NPAS3: variants seen among roughly 807,000 people sequenced by gnomAD.
NPAS3 encodes neuronal PAS domain protein 3.
A neutral mutation model predicts 73.1 loss-of-function variants in NPAS3; 14 were observed. That is an observed-to-expected ratio of 0.19 (90% CI 0.13 to 0.30). NPAS3 has a LOEUF of 0.30. NPAS3 is among the 10% of genes least tolerant of loss of function. The pLI is 1.00. For synonymous variants in NPAS3, 620 were observed against 541.5 expected (o/e 1.14, Z -2.01); for missense variants, 1,096 against 1,250.0 (o/e 0.88, Z 1.86).
intron 2 of NPAS3, among the ~76,000 whole-genome samples, chr14:33,120,876 C>G (rs2043209074): frequency 6.6e-6 from 1 of 152,076 alleles, no homozygotes; most frequent in Non-Finnish European, 1.5e-5. Flanking sequence ...AGCAGGACGC[C>G]TTAGCACTAT....
chr14:33,383,942 T>C (rs2046665813), intron 4 of NPAS3, among the ~76,000 whole-genome samples: 1 of 152,176 alleles, frequency 6.6e-6, no homozygotes. Context: ...GAAATAATAA[T>C]ATACATGCCA....
At chr14:33,354,300 T>C (rs1440636948) in intron 3 of NPAS3, among the ~76,000 whole-genome samples, 5 of 152,180 alleles carry the variant, frequency 3.3e-5, no homozygotes, top group African/African-American at 1.2e-4. Flanking sequence ...CTCAACCGAC[T>C]GCAGTGCCCC....
chr14:33,419,398 T>A (rs1039616609), intron 4 of NPAS3, among the ~76,000 whole-genome samples: 2 of 151,904 alleles, frequency 1.3e-5, no homozygotes, highest in Non-Finnish European at 2.9e-5. Context: ...TGCTTTGACA[T>A]TGTAAAACCA....
At chr14:33,131,209 G>GCATA (rs2043623531) in intron 2 of NPAS3, among the ~76,000 whole-genome samples, 1 of 152,102 alleles carries the variant, frequency 6.6e-6, no homozygotes, top group South Asian at 2.1e-4. Context: ...CTCTTGTGTA[G>GCATA]TAAAATTTTA....
chr14:33,481,844 G>A (rs1447156159), intron 4 of NPAS3, among the ~76,000 whole-genome samples: 1 of 151,880 alleles, frequency 6.6e-6, no homozygotes, highest in African/African-American at 2.4e-5. Context: ...GGACAAGGCT[G>A]TTTGTTTGTT....
At chr14:33,384,745 T>A (rs1265460796) in intron 4 of NPAS3, among the ~76,000 whole-genome samples, 1 of 152,206 alleles carries the variant, frequency 6.6e-6, no homozygotes, top group Non-Finnish European at 1.5e-5. Context: ...ACCAAACAAA[T>A]TTTAAAATCC....
At chr14:33,665,495 G>A (rs576992393) in intron 5 of NPAS3, among the ~76,000 whole-genome samples, 40 of 152,132 alleles carry the variant, frequency 2.6e-4, no homozygotes, top group Non-Finnish European at 4.1e-4. Context: ...GACCTTTTCC[G>A]TAAAAGGTGA....
rs111820795 is a variant in NPAS3 at position 33,099,061 on chromosome 14, T to C, written c.140+43067T>C. On this transcript the variant is annotated intron_variant, in intron 2 of 11. Coordinates refer to ENST00000356141, the Ensembl canonical transcript of NPAS3. Reference sequence around the variant, plus strand: ...CCTTTTTCCAAGTCACACAAAGCCCTGGCAGGCAAGGTCAGGTCTAACTCA... The same window carrying C: ...CCTTTTTCCAAGTCACACAAAGCCCCGGCAGGCAAGGTCAGGTCTAACTCA... Among the ~76,000 whole-genome samples the C allele has an allele frequency of 9.2e-5, 14 of 152,294 alleles. 1 individual carries two copies. Among genetic ancestry groups the C allele is most frequent in the African/African-American group, 3.1e-4 (13 of 41,566 alleles).
intron 2 of NPAS3, among the ~76,000 whole-genome samples, chr14:33,137,286 G>A (rs892383613): frequency 6.6e-6 from 1 of 152,072 alleles, no homozygotes; most frequent in Admixed American, 6.5e-5. Context: ...CTCCATCAAG[G>A]CATCTGAGAT....
intron 3 of NPAS3, among the ~76,000 whole-genome samples, chr14:33,332,129 G>T (rs2044012990): frequency 6.6e-6 from 1 of 152,124 alleles, no homozygotes; most frequent in African/African-American, 2.4e-5. Flanking sequence ...GGTAATACAA[G>T]GTTCTGGGTA....
intron 2 of NPAS3, among the ~76,000 whole-genome samples, chr14:33,188,249 T>C (rs1293987230): frequency 6.6e-6 from 1 of 152,240 alleles, no homozygotes; most frequent in East Asian, 1.9e-4. Flanking sequence ...TCTCTTATTG[T>C]GTCATTCTTT....
At chr14:33,358,403 C>T (rs1336713515) in intron 3 of NPAS3, among the ~76,000 whole-genome samples, 2 of 152,272 alleles carry the variant, frequency 1.3e-5, no homozygotes, top group Middle Eastern at 3.4e-3. Flanking sequence ...GACAGTCCAT[C>T]GTTGTCGCGG....
At chr14:33,730,347 AG>A (rs2061369645) in intron 6 of NPAS3, among the ~76,000 whole-genome samples, 1 of 152,234 alleles carries the variant, frequency 6.6e-6, no homozygotes. Context: ...AATGACTCAA[AG>A]AATAAATAAT....
intron 6 of NPAS3, among the ~76,000 whole-genome samples, chr14:33,691,485 C>G (rs187533208): frequency 6.6e-6 from 1 of 152,132 alleles, no homozygotes; most frequent in Non-Finnish European, 1.5e-5. Flanking sequence ...AATCTGTCAA[C>G]GAATCTGGCT....
At chr14:33,563,907 A>G (rs972845158) in intron 5 of NPAS3, among the ~76,000 whole-genome samples, 12 of 152,324 alleles carry the variant, frequency 7.9e-5, no homozygotes, top group Admixed American at 1.3e-4. Context: ...AATCTCTTCC[A>G]AAATGTAAGG....
chr14:33,131,425 G>C (rs552330304), intron 2 of NPAS3, among the ~76,000 whole-genome samples: 1 of 13,908 alleles, frequency 7.2e-5, no homozygotes, highest in South Asian at 1.7e-3. Context: ...GTGTTCATCT[G>C]ACTTCCACGT....
intron 2 of NPAS3, among the ~76,000 whole-genome samples, chr14:33,189,695 A>G (rs2046100291): frequency 6.6e-6 from 1 of 152,182 alleles, no homozygotes; most frequent in Non-Finnish European, 1.5e-5. Flanking sequence ...TATATGGTCA[A>G]CTTTTATACA....
At chr14:33,060,665 G>A (rs1399388737) in intron 2 of NPAS3, among the ~76,000 whole-genome samples, 1 of 152,138 alleles carries the variant, frequency 6.6e-6, no homozygotes, top group Non-Finnish European at 1.5e-5. Flanking sequence ...TGGATGCCTG[G>A]TTAGTGTTTC....
intron 4 of NPAS3, among the ~76,000 whole-genome samples, chr14:33,461,104 T>C (rs2050244743): frequency 6.6e-6 from 1 of 152,210 alleles, no homozygotes; most frequent in South Asian, 2.1e-4. Context: ...AAAGCCTGAC[T>C]CCTGCCATTT....
Sources: allele counts gnomAD v4.1 joint callset (sites outside exome capture counted in the v4.1 genomes callset), GRCh38; gene constraint gnomAD v4.1.1; transcripts MANE v1.5; gene names NCBI Gene and HGNC (gene_info 2026-07-23, HGNC 2026-07-21).